The following IGF1R variants were observed in gnomAD, a reference collection of about 807,000 sequenced individuals.
IGF1R encodes the protein insulin-like growth factor 1 receptor.
In IGF1R, 44 loss-of-function variants were observed where a neutral mutation model predicts 144.6. The ratio of observed to expected loss-of-function variants is 0.30; its 90% CI spans 0.24 to 0.39. IGF1R has a LOEUF of 0.39. Among genes scored for constraint, IGF1R ranks in the 10% least tolerant of loss-of-function variants. IGF1R has a pLI of 1.00. For synonymous variants in IGF1R, 795 were observed against 722.8 expected (o/e 1.10, Z -1.60); for missense variants, 1,355 against 1,833.7 (o/e 0.74, Z 4.77).
At chr15:98,787,871 G>C (rs577827923) in intron 2 of IGF1R, among the ~76,000 whole-genome samples, 30 of 152,256 alleles carry the variant, frequency 2.0e-4, no homozygotes, top group African/African-American at 7.0e-4. Flanking sequence ...CCTGTGCCTG[G>C]AGGCCCTTTG....
At chr15:98,886,381 G>A (rs994761206) in intron 2 of IGF1R, among the ~76,000 whole-genome samples, 2 of 152,146 alleles carry the variant, frequency 1.3e-5, no homozygotes, top group African/African-American at 4.8e-5. Context: ...TTTTAGTGGT[G>A]GATGTGGGAC....
chr15:98,926,296 T>TA (rs1567203696), intron 13 of IGF1R, among the ~76,000 whole-genome samples: 1 of 152,162 alleles, frequency 6.6e-6, no homozygotes, highest in East Asian at 1.9e-4. Context: ...GAATGGAGGT[T>TA]ACCAGGGGCT....
rs375178223 is a variant in IGF1R, at chr15:98,957,484, C to T, written c.*42C>T. On this transcript the variant is annotated 3_prime_UTR_variant, in exon 21 of 21. Transcript: ENST00000650285. ...CTGTGCAAACAGTAACGTGTGCGCA[C>T]GCGCAGCGGGGTGGGGGGGGAGAGA... is the stretch of plus-strand genomic sequence containing the variant. 43 of 1,610,764 alleles carry T rather than the reference C, an allele frequency of 2.7e-5. No homozygotes were observed. The highest frequency in any genetic ancestry group is 5.0e-5 in the Admixed American group (3 of 60,000).
At chr15:98,830,622 T>TTTTTTTTTA (rs1567150757) in intron 2 of IGF1R, among the ~76,000 whole-genome samples, 2 of 151,050 alleles carry the variant, frequency 1.3e-5, no homozygotes, top group African/African-American at 4.9e-5. Context: ...TTTTTTTTTT[T>TTTTTTTTTA]AGATGGAGTC....
chr15:98,751,371 T>TA (rs928754110), intron 2 of IGF1R, among the ~76,000 whole-genome samples: 51 of 147,970 alleles, frequency 3.4e-4, no homozygotes, highest in Admixed American at 1.4e-3. Flanking sequence ...AGGTAATTTC[T>TA]AAAAAAAAAA....
At position 98,792,477 on chromosome 15, in the gene IGF1R, A is replaced by G. The variant is rs191390422; in HGVS notation, c.640+84370A>G. Among the ~76,000 whole-genome samples the G allele has an allele frequency of 3.3e-5, 5 of 152,156 alleles. 1 individual carries two copies. In the East Asian group the frequency reaches 9.7e-4, roughly 29 times the overall value. ...AAGTGTGCCTTTTGATTTGATACCT[A>G]TTTATTTGTTTGGAAAGAAGCTTTT... On this transcript the variant is annotated intron_variant, in intron 2 of 20. Coordinates refer to ENST00000650285, the MANE Select transcript of IGF1R (RefSeq NM_000875.5).
At chr15:98,684,767 T>G (rs2053282384) in intron 1 of IGF1R, among the ~76,000 whole-genome samples, 1 of 152,082 alleles carries the variant, frequency 6.6e-6, no homozygotes, top group South Asian at 2.1e-4. Flanking sequence ...GGGATTTGGC[T>G]TCAGGAAGTC....
At chr15:98,806,755 T>C (rs139163899) in intron 2 of IGF1R, among the ~76,000 whole-genome samples, 285 of 152,286 alleles carry the variant, frequency 1.9e-3, no homozygotes, top group Non-Finnish European at 3.4e-3. Flanking sequence ...AAGAGGGATA[T>C]AGCCAAGGGT....
rs750031695 is a variant in IGF1R at position 98,891,497 on chromosome 15, T to C, written c.813T>C (p.Phe271=). Residue 271 remains phenylalanine, a synonymous_variant, in exon 3 of 21, where the codon TTT becomes TTC. Transcript: ENST00000650285. The surrounding 1 kb of genome is among the most constrained non-coding windows in gnomAD (Gnocchi z 4.7). ...VPACPPNTYR[F]EGWRCVDRDF... ...CCTGCCCGCCCAACACCTACAGGTTTGAGGGCTGGCGCTGTGTGGACCGTG... is the reference window on the plus strand; with the variant it reads ...CCTGCCCGCCCAACACCTACAGGTTCGAGGGCTGGCGCTGTGTGGACCGTG... The C allele has an allele frequency of 1.2e-6, 2 of 1,613,872 alleles. No individual in the cohort carries two copies. Among genetic ancestry groups the C allele is most frequent in the African/African-American group, 2.7e-5 (2 of 74,942 alleles).
intron 1 of IGF1R, among the ~76,000 whole-genome samples, chr15:98,681,488 A>G (rs938713272): frequency 2.6e-5 from 4 of 152,198 alleles, no homozygotes; most frequent in African/African-American, 7.2e-5. Flanking sequence ...TAGTTCAAGG[A>G]TAAACCTCTA....
intron 2 of IGF1R, among the ~76,000 whole-genome samples, chr15:98,793,753 T>C (rs2056178090): frequency 6.6e-6 from 1 of 152,238 alleles, no homozygotes; most frequent in Admixed American, 6.5e-5. Flanking sequence ...ATCTATAATT[T>C]ATACCCAGAG....
chr15:98,907,883 C>T (rs1001761998), intron 5 of IGF1R, among the ~76,000 whole-genome samples: 4 of 152,236 alleles, frequency 2.6e-5, no homozygotes, highest in Non-Finnish European at 4.4e-5. Context: ...TGGTTCTCCA[C>T]GTGTGGTCCA....
intron 2 of IGF1R, among the ~76,000 whole-genome samples, chr15:98,837,109 T>C (rs1221546825): frequency 6.6e-6 from 1 of 152,252 alleles, no homozygotes; most frequent in African/African-American, 2.4e-5. Context: ...TTTTCTTTTT[T>C]TGAGACAGTC....
intron 2 of IGF1R, among the ~76,000 whole-genome samples, chr15:98,889,492 A>C (rs2013803117): frequency 6.6e-6 from 1 of 152,248 alleles, no homozygotes; most frequent in Admixed American, 6.5e-5. Context: ...GCAATAATAA[A>C]AAGTAAAGAA....
chr15:98,710,220 C>T (rs2053961113), intron 2 of IGF1R, among the ~76,000 whole-genome samples: 1 of 152,188 alleles, frequency 6.6e-6, no homozygotes, highest in African/African-American at 2.4e-5. Flanking sequence ...GCAGCCTTCT[C>T]CTTGACCATC....
At chr15:98,849,706 A>G (rs2011467981) in intron 2 of IGF1R, among the ~76,000 whole-genome samples, 2 of 152,256 alleles carry the variant, frequency 1.3e-5, no homozygotes, top group African/African-American at 4.8e-5. Flanking sequence ...CAGAGCTCCT[A>G]GAAATTGTTA....
At chr15:98,713,984 G>A (rs2054056983) in intron 2 of IGF1R, among the ~76,000 whole-genome samples, 1 of 152,160 alleles carries the variant, frequency 6.6e-6, no homozygotes, top group Admixed American at 6.6e-5. Flanking sequence ...AATTAAAAGG[G>A]CATTGACTGG....
Position 98,649,395 on chromosome 15 carries a change from G to C in IGF1R, c.-187G>C. On this transcript the variant is annotated 5_prime_UTR_variant, in exon 1 of 21. Transcript: ENST00000650285. Reference sequence around the variant, plus strand: ...GGGGCCGCCCCGCGCCGCCCGCCCCGTCCGCGCACCCGGAGGGCCCCGGCG... The same window carrying C: ...GGGGCCGCCCCGCGCCGCCCGCCCCCTCCGCGCACCCGGAGGGCCCCGGCG... 3.1e-6 allele frequency: 1 copy of C among 326,546 alleles called. No individual in the cohort carries two copies. Among genetic ancestry groups the C allele is most frequent in the Non-Finnish European group, 5.4e-6 (1 of 184,786 alleles). The allele number at this position is 326,546 out of a possible 1,614,324, so 20.2% of individuals were successfully genotyped here. A position where few individuals can be genotyped will look rare whatever the true frequency, so the allele number is the denominator to read the frequency against.
At chr15:98,812,986 T>A (rs924032761) in intron 2 of IGF1R, among the ~76,000 whole-genome samples, 2 of 152,144 alleles carry the variant, frequency 1.3e-5, no homozygotes, top group Non-Finnish European at 2.9e-5. Context: ...CGAAAAACAG[T>A]GGTTTAAGTG....
Sources: gnomAD v4.1 joint callset for allele counts (sites outside exome capture counted in the v4.1 genomes callset) on GRCh38, gnomAD v4.1.1 for gene constraint, Gnocchi (gnomAD v3.1) non-coding constraint, MANE v1.5 for transcripts, NCBI Gene and HGNC (gene_info 2026-07-23, HGNC 2026-07-21) for gene names.